The following CCDC30 variants were observed in gnomAD, a reference collection of about 807,000 sequenced individuals.
The protein encoded by CCDC30 is coiled-coil domain-containing protein 30.
In CCDC30, 70 loss-of-function variants were observed where a neutral mutation model predicts 100.2. The ratio of observed to expected loss-of-function variants is 0.70; its 90% CI spans 0.58 to 0.85. The LOEUF is 0.85. CCDC30 is among the 40% of genes least tolerant of loss of function. The probability of loss-of-function intolerance (pLI) is 0.00; values close to 1 mark genes in which losing one functional copy is unlikely to be tolerated. For missense variants in CCDC30, 652 were observed against 771.2 expected (o/e 0.85, Z 1.83); for synonymous variants, 233 against 269.5 (o/e 0.86, Z 1.33).
At chr1:42,459,919 G>A (rs368483468), upstream of CCDC30, 2 of 1,603,792 alleles carry the variant, frequency 1.2e-6, no homozygotes, top group African/African-American at 2.7e-5. Flanking sequence ...ATAGGTGACA[G>A]AAACTGAAGT....
At chr1:42,511,832 C>A (rs1330453222) in intron 6 of CCDC30, among the ~76,000 whole-genome samples, 1 of 151,968 alleles carries the variant, frequency 6.6e-6, no homozygotes, top group Non-Finnish European at 1.5e-5. Flanking sequence ...CAGAGAGTGA[C>A]CTGTCTGAGA....
In CCDC30 at chr1:42,613,105, G is replaced by A. The variant is rs1443661740; in HGVS notation, c.1277+2015G>A. Among the ~76,000 whole-genome samples, 6 of 152,092 alleles carry A rather than the reference G, an allele frequency of 3.9e-5. No individual in the cohort carries two copies. In the East Asian group the frequency reaches 1.2e-3, roughly 29 times the overall value. ...ATTCGGGGCAAATCTAAAAAGTAAAGTAAAAGCAAACTTACTAAGGGAGTA... is the reference window on the plus strand; with the variant it reads ...ATTCGGGGCAAATCTAAAAAGTAAAATAAAAGCAAACTTACTAAGGGAGTA... On this transcript the variant is annotated intron_variant, in intron 11 of 16. Coordinates refer to ENST00000668663, the Ensembl canonical transcript of CCDC30.
At chr1:42,482,853 C>A in intron 3 of CCDC30, 37 bp downstream of exon 3, 1 of 1,196,960 alleles carries the variant, frequency 8.4e-7, no homozygotes, top group Non-Finnish European at 1.0e-6. Context: ...TCCGATCATG[C>A]TTTAACTGTA....
intron 1 of CCDC30, among the ~76,000 whole-genome samples, chr1:42,466,291 C>G (rs1214533804): frequency 6.6e-6 from 1 of 152,100 alleles, no homozygotes; most frequent in Admixed American, 6.5e-5. Context: ...AAGATAGGGT[C>G]CTGGCCCCTG....
At chr1:42,566,516 TG>T in intron 7 of CCDC30, 41 bp downstream of exon 11, 1 of 1,543,412 alleles carries the variant, frequency 6.5e-7, no homozygotes, top group Non-Finnish European at 8.9e-7. Flanking sequence ...GGGTTTCAGT[TG>T]GCCCTGGGAA....
rs369491087 is a variant in CCDC30, at chr1:42,646,428, G to A, written c.1854+111G>A. On this transcript the variant is annotated intron_variant, in intron 15 of 16. Transcript: ENST00000668663. The stretch of plus-strand genomic sequence containing the variant: ...GTTTCTACACTGGAAAAAGTAAAAC[G>A]GAGGTAGTCAAACAGATTCCCCACT... 2.6e-5 allele frequency: 33 copies of A among 1,256,170 alleles called. No individual in the cohort carries two copies. In the South Asian group the frequency reaches 3.6e-4, roughly 14 times the overall value. 77.8% of individuals were successfully genotyped at this position (1,256,170 alleles called of 1,614,324 possible).
At chr1:42,469,486 C>CT in intron 1 of CCDC30, among the ~76,000 whole-genome samples, 1 of 152,156 alleles carries the variant, frequency 6.6e-6, no homozygotes, top group Middle Eastern at 3.4e-3. Context: ...AGGACAGTAG[C>CT]TAGAGAGGTA....
intron 11 of CCDC30, among the ~76,000 whole-genome samples, chr1:42,614,488 A>G (rs1395800136): frequency 4.0e-5 from 6 of 151,700 alleles, no homozygotes; most frequent in South Asian, 2.1e-4. Flanking sequence ...CACCACCCCA[A>G]TGAAGATACA....
intron 6 of CCDC30, 136 bp downstream of exon 6, chr1:42,499,052 TTAGAG>T: frequency 2.4e-6 from 1 of 420,276 alleles, no homozygotes; most frequent in Non-Finnish European, 4.0e-6. Context: ...GCTCAGCTAA[TTAGAG>T]TGGAAGAGGA....
intron 6 of CCDC30, among the ~76,000 whole-genome samples, 179 bp downstream of exon 8, chr1:42,539,489 A>G (rs774212778): frequency 2.6e-5 from 4 of 152,370 alleles, no homozygotes; most frequent in South Asian, 2.1e-4. Flanking sequence ...CTATATGTCA[A>G]GATAAATATT....
At chr1:42,485,217 G>A (rs2148459775) in intron 3 of CCDC30, among the ~76,000 whole-genome samples, 1 of 152,226 alleles carries the variant, frequency 6.6e-6, no homozygotes, top group East Asian at 1.9e-4. Context: ...AGTTAAAACT[G>A]TAAAACTGTT....
intron 1 of CCDC30, among the ~76,000 whole-genome samples, chr1:42,465,015 GA>G (rs1185190611): frequency 6.6e-6 from 1 of 152,082 alleles, no homozygotes; most frequent in Non-Finnish European, 1.5e-5. Flanking sequence ...CCTAACTCTT[GA>G]AAAAAGTGTT....
chr1:42,568,964 A>T (rs528869139), intron 7 of CCDC30: 75 of 151,206 alleles, frequency 5.0e-4, no homozygotes, highest in African/African-American at 1.7e-3. Context: ...AAAAAAATCC[A>T]TTCAAATTAT....
intron 6 of CCDC30, among the ~76,000 whole-genome samples, 195 bp from the exon 11 acceptor site, chr1:42,566,101 A>G (rs1054059782): frequency 2.6e-5 from 4 of 152,368 alleles, no homozygotes; most frequent in Non-Finnish European, 4.4e-5. Flanking sequence ...TCACTCTAAT[A>G]TAACATGTAT....
intron 7 of CCDC30, among the ~76,000 whole-genome samples, chr1:42,569,462 A>G (rs1323860043): frequency 6.6e-6 from 1 of 152,224 alleles, no homozygotes; most frequent in Non-Finnish European, 1.5e-5. Flanking sequence ...GCGATCATTA[A>G]AAAGTCAGGA....
intron 11 of CCDC30, among the ~76,000 whole-genome samples, chr1:42,613,121 T>TA (rs1557452332): frequency 6.6e-6 from 1 of 152,156 alleles, no homozygotes; most frequent in Non-Finnish European, 1.5e-5. Flanking sequence ...GCAAACTTAC[T>TA]AAGGGAGTAA....
intron 6 of CCDC30, among the ~76,000 whole-genome samples, chr1:42,512,560 G>A (rs935451945): frequency 2.6e-5 from 4 of 152,150 alleles, no homozygotes; most frequent in African/African-American, 9.7e-5. Context: ...TCCCTGAGCT[G>A]TAAAACTTCC....
At chr1:42,535,839 T>C (rs1008197198) in intron 6 of CCDC30, among the ~76,000 whole-genome samples, 7 of 146,678 alleles carry the variant, frequency 4.8e-5, no homozygotes, top group African/African-American at 1.8e-4. Context: ...TGATCTCAAT[T>C]TTATCTCCTA....
chr1:42,641,986 G>A (rs1570334377), intron 12 of CCDC30, among the ~76,000 whole-genome samples: 1 of 152,312 alleles, frequency 6.6e-6, no homozygotes, highest in East Asian at 1.9e-4. Flanking sequence ...AGCAATTTGG[G>A]AGGCCAAGGT....
Sources: allele counts gnomAD v4.1 joint callset (sites outside exome capture counted in the v4.1 genomes callset), GRCh38; gene constraint gnomAD v4.1.1; transcripts MANE v1.5; gene names NCBI Gene and HGNC (gene_info 2026-07-23, HGNC 2026-07-21).